DYNC1I2: variants seen among roughly 807,000 people sequenced by gnomAD.
DYNC1I2 encodes the protein dynein cytoplasmic 1 intermediate chain 2, also known as cytoplasmic dynein 1 intermediate chain 2.
In DYNC1I2, 53 loss-of-function variants were observed where a neutral mutation model predicts 88.6. The observed-to-expected ratio is 0.60, with a 90% CI of 0.48 to 0.75. DYNC1I2 has a LOEUF of 0.75. Ranked by LOEUF, DYNC1I2 falls within the 30% of genes least tolerant of loss-of-function variation. The probability of loss-of-function intolerance (pLI) is 0.00; values close to 1 mark genes in which losing one functional copy is unlikely to be tolerated. For missense variants in DYNC1I2, 458 were observed against 766.6 expected (o/e 0.60, Z 4.75); for synonymous variants, 198 against 254.6 (o/e 0.78, Z 2.12).
intron 15 of DYNC1I2, among the ~76,000 whole-genome samples, chr2:171,732,996 C>A (rs1219384661): frequency 2.0e-5 from 3 of 152,160 alleles, no homozygotes; most frequent in Non-Finnish European, 4.4e-5. Context: ...TCCTCCCACG[C>A]TCACCCTTCG....
chr2:171,713,264 A>G (rs1000264821), intron 6 of DYNC1I2, among the ~76,000 whole-genome samples: 7 of 152,116 alleles, frequency 4.6e-5, no homozygotes, highest in Admixed American at 1.3e-4. Flanking sequence ...CTATTTATTC[A>G]TGAATCTAGA....
At chr2:171,743,546 C>T (rs1021245142) in intron 15 of DYNC1I2, among the ~76,000 whole-genome samples, 1 of 152,170 alleles carries the variant, frequency 6.6e-6, no homozygotes, top group Non-Finnish European at 1.5e-5. Context: ...TCGTGCCTTC[C>T]TTCATCTTCT....
rs183223926 is a variant in DYNC1I2 at position 171,697,230 on chromosome 2, G to A, written c.226+4336G>A. ...GAGATGGGGTCTCACTATGTTGCCA[G>A]GGCTGGCTTTGAACTCCTGGGCTCA... On this transcript the variant is annotated intron_variant, in intron 3 of 17. Transcript: ENST00000397119. Among the ~76,000 whole-genome samples the A allele has an allele frequency of 4.2e-3, 641 of 151,882 alleles. 2 individuals are homozygous for A. The highest frequency in any genetic ancestry group is 0.015 in the African/African-American group (613 of 41,434).
intron 15 of DYNC1I2, among the ~76,000 whole-genome samples, chr2:171,732,295 G>A (rs1043918696): frequency 6.6e-6 from 1 of 152,182 alleles, no homozygotes; most frequent in East Asian, 1.9e-4. Flanking sequence ...CCCAGCAGGA[G>A]GTTGCAGCAA....
intron 5 of DYNC1I2, 100 bp from the exon 6 acceptor site, chr2:171,712,667 G>T: frequency 4.2e-5 from 33 of 791,260 alleles, no homozygotes; most frequent in South Asian, 7.4e-5. Context: ...TTTTTTAATT[G>T]TGAATAGTAC....
chr2:171,700,768 A>G (rs1686193497), intron 3 of DYNC1I2, among the ~76,000 whole-genome samples: 1 of 152,110 alleles, frequency 6.6e-6, no homozygotes, highest in South Asian at 2.1e-4. Flanking sequence ...AGTAGCTGGG[A>G]CTACAGGCGC....
At chr2:171,736,646 C>T (rs549853748) in intron 15 of DYNC1I2, among the ~76,000 whole-genome samples, 3 of 152,186 alleles carry the variant, frequency 2.0e-5, no homozygotes, top group Admixed American at 2.0e-4. Context: ...TTCTCCTGGA[C>T]GATGCTTGAA....
intron 3 of DYNC1I2, among the ~76,000 whole-genome samples, chr2:171,706,144 A>C (rs180961973): frequency 4.5e-4 from 68 of 152,250 alleles, no homozygotes; most frequent in Non-Finnish European, 7.9e-4. Flanking sequence ...TTTTAATTAA[A>C]TACTTATTTC....
intron 16 of DYNC1I2, 139 bp downstream of exon 16, chr2:171,744,328 C>A: frequency 1.1e-6 from 1 of 912,314 alleles, no homozygotes; most frequent in Non-Finnish European, 1.6e-6. Flanking sequence ...CTCAAATAAG[C>A]TTTGTACCCT....
chr2:171,690,738 C>G (rs1167614390), intron 2 of DYNC1I2, among the ~76,000 whole-genome samples: 1 of 150,430 alleles, frequency 6.6e-6, no homozygotes, highest in Non-Finnish European at 1.5e-5. Flanking sequence ...ACTGCAGCCT[C>G]AACCTCCCCT....
intron 15 of DYNC1I2, among the ~76,000 whole-genome samples, chr2:171,740,672 G>A (rs540401372): frequency 1.3e-5 from 2 of 151,780 alleles, no homozygotes; most frequent in East Asian, 3.9e-4. Context: ...CTGTATTACT[G>A]CTTTGGTTTT....
intron 5 of DYNC1I2, among the ~76,000 whole-genome samples, chr2:171,711,852 A>G (rs2105578695): frequency 6.6e-6 from 1 of 152,344 alleles, no homozygotes; most frequent in South Asian, 2.1e-4. Context: ...CAAAAATGGT[A>G]ATACTAAATG....
chr2:171,730,132 A>G (rs115131855), intron 15 of DYNC1I2, among the ~76,000 whole-genome samples: 2,494 of 152,266 alleles, frequency 0.016, 58 homozygotes, highest in African/African-American at 0.052. Context: ...CTGCACTGGG[A>G]AAAAAGCCCT....
In DYNC1I2 at chr2:171,725,727, T is replaced by C; in HGVS notation, c.607+14T>C. On this transcript the variant is annotated intron_variant, in intron 8 of 17. Coordinates refer to ENST00000397119, the MANE Select transcript of DYNC1I2 (RefSeq NM_001378.3). ...ATGATAGTAAAGGTATCTTAAGGAATTAAACTTTAAAACATTTTGTTGATT... is the reference window on the plus strand; with the variant it reads ...ATGATAGTAAAGGTATCTTAAGGAACTAAACTTTAAAACATTTTGTTGATT... 6.7e-7 allele frequency: 1 copy of C among 1,501,028 alleles called. No homozygotes were observed. The highest frequency in any genetic ancestry group is 2.3e-5 in the East Asian group (1 of 43,212). The allele number at this position is 1,501,028 out of a possible 1,614,324, so 93.0% of individuals were successfully genotyped here.
intron 15 of DYNC1I2, among the ~76,000 whole-genome samples, chr2:171,740,276 T>C (rs890043104): frequency 6.6e-6 from 1 of 152,340 alleles, no homozygotes; most frequent in East Asian, 1.9e-4. Flanking sequence ...CTTCAGTCTT[T>C]TTGGTCATCT....
At chr2:171,727,134 T>G (rs1020018120) in intron 11 of DYNC1I2, among the ~76,000 whole-genome samples, 2 of 152,172 alleles carry the variant, frequency 1.3e-5, no homozygotes, top group Non-Finnish European at 2.9e-5. Context: ...TCTTATAATG[T>G]TTAATCACAC....
Position 171,712,767 on chromosome 2 carries a change from G to A in DYNC1I2, c.336G>A (p.Arg112=). ...QDSGDGAVGS[R]TLHWDTDPSV... ...TCATGGTTGTCCTACAACCATTTAGGACGCTGCATTGGGATACAGATCCAT... is the reference window on the plus strand; with the variant it reads ...TCATGGTTGTCCTACAACCATTTAGAACGCTGCATTGGGATACAGATCCAT... Residue 112 remains arginine (R), a splice_region_variant and synonymous_variant, in exon 6 of 18, where the codon AGG becomes AGA. Transcript: ENST00000397119. 1.9e-6 allele frequency: 3 copies of A among 1,612,866 alleles called. No individual in the cohort carries two copies. The highest frequency in any genetic ancestry group is 2.5e-6 in the Non-Finnish European group (3 of 1,179,286).
chr2:171,702,231 T>G (rs1015783080), intron 3 of DYNC1I2, among the ~76,000 whole-genome samples: 10 of 152,370 alleles, frequency 6.6e-5, no homozygotes, highest in African/African-American at 2.2e-4. Context: ...CCAAGTTAGA[T>G]CTACATCTTT....
chr2:171,725,282 G>A lies in DYNC1I2; in HGVS notation c.512-336G>A, dbSNP rs192726656. 1.4e-3 allele frequency among the ~76,000 whole-genome samples: 218 copies of A among 152,292 alleles called. 1 individual carries two copies. Among genetic ancestry groups the A allele is most frequent in the African/African-American group, 5.2e-3 (215 of 41,564 alleles). On this transcript the variant is annotated intron_variant, in intron 7 of 17. Coordinates refer to ENST00000397119, the MANE Select transcript of DYNC1I2 (RefSeq NM_001378.3). ...GTTCTGTCTAGAATGATAAATGCTT[G>A]CAAGCTTTTAGAGACTTAATGAGGA...
Sources: allele counts gnomAD v4.1 joint callset (sites outside exome capture counted in the v4.1 genomes callset), GRCh38; gene constraint gnomAD v4.1.1; transcripts MANE v1.5; gene names NCBI Gene and HGNC (gene_info 2026-07-23, HGNC 2026-07-21).